The following TANC2 variants were observed in gnomAD, a reference collection of about 807,000 sequenced individuals.
TANC2 encodes the protein tetratricopeptide repeat, ankyrin repeat and coiled-coil containing 2, also known as protein TANC2.
In TANC2, 26 loss-of-function variants were observed where a neutral mutation model predicts 210.5. The ratio of observed to expected loss-of-function variants is 0.12; its 90% CI spans 0.09 to 0.17. TANC2 has a LOEUF of 0.17. TANC2 is among the 10% of genes least tolerant of loss of function. The probability of loss-of-function intolerance (pLI) is 1.00; values close to 1 mark genes in which losing one functional copy is unlikely to be tolerated. For synonymous variants in TANC2, 931 were observed against 967.1 expected (o/e 0.96, Z 0.69); for missense variants, 2,129 against 2,608.9 (o/e 0.82, Z 4.01).
Position 63,142,860 on chromosome 17 carries a change from G to A in TANC2, c.323-8410G>A, listed in dbSNP as rs188606211. 7.2e-5 allele frequency among the ~76,000 whole-genome samples: 11 copies of A among 152,262 alleles called. No individual in the cohort carries two copies. In the East Asian group the frequency reaches 2.1e-3, roughly 29 times the overall value. On this transcript the variant is annotated intron_variant, in intron 4 of 27. Coordinates refer to ENST00000689528, the Ensembl canonical transcript of TANC2. ...ATTAACATATATTAAACTCCGATGA[G>A]TTGGGGGGCATCTGCAATACATTTT...
intron 22 of TANC2, 131 bp from the exon 23 acceptor site, chr17:63,411,867 C>G (rs1011424229): frequency 1.4e-6 from 2 of 1,448,232 alleles, no homozygotes; most frequent in Non-Finnish European, 1.9e-6. Context: ...TAGCTAAGGC[C>G]TGAAATACAT....
intron 18 of TANC2, 117 bp downstream of exon 18, chr17:63,396,045 C>A (rs1424529902): frequency 5.4e-6 from 5 of 925,848 alleles, no homozygotes; most frequent in Non-Finnish European, 6.4e-6. Flanking sequence ...AATTCGTGAT[C>A]GCTGCTCTGA....
chr17:63,022,405 C>T (rs1435634558), intron 2 of TANC2, among the ~76,000 whole-genome samples: 1 of 151,468 alleles, frequency 6.6e-6, no homozygotes, highest in Non-Finnish European at 1.5e-5. Flanking sequence ...GCAAAGTGCT[C>T]AAGATGCTGT....
At chr17:63,161,970 AC>A (rs367636279) in intron 5 of TANC2, among the ~76,000 whole-genome samples, 197 of 152,278 alleles carry the variant, frequency 1.3e-3, no homozygotes, top group South Asian at 1.2e-3. Context: ...CAGGTTACTG[AC>A]AATCTTGACA....
intron 7 of TANC2, among the ~76,000 whole-genome samples, chr17:63,234,971 A>AATTTATTATCATACTTT (rs2042580975): frequency 6.6e-6 from 1 of 152,166 alleles, no homozygotes; most frequent in Non-Finnish European, 1.5e-5. Flanking sequence ...GATAAGTATG[A>AATTTATTATCATACTTT]ATTTATTATG....
At chr17:63,267,833 A>G (rs755523835) in exon 9 of TANC2, 2 of 1,613,148 alleles carry the variant, frequency 1.2e-6, no homozygotes, top group South Asian at 2.2e-5. Context: ...GAATGCCAAG[A>G]CAGAGCATGG....
chr17:63,080,576 C>T (rs2036735570), intron 3 of TANC2, among the ~76,000 whole-genome samples: 1 of 152,086 alleles, frequency 6.6e-6, no homozygotes, highest in African/African-American at 2.4e-5. Flanking sequence ...GCTGGTGTGT[C>T]AATAGAACTA....
chr17:63,155,128 T>G (rs1194048913), intron 5 of TANC2: 1 of 152,064 alleles, frequency 6.6e-6, no homozygotes, highest in African/African-American at 2.4e-5. Context: ...TAAGAGCTTA[T>G]GTTCTGGAGT....
chr17:63,227,094 T>G lies in TANC2; in HGVS notation c.770-10720T>G, dbSNP rs150073630. On this transcript the variant is annotated intron_variant, in intron 7 of 27. Coordinates refer to ENST00000689528, the Ensembl canonical transcript of TANC2. ...GTATGTATCTTTATAATATAATAAT[T>G]TATATTCCTTTGGGTATATACCCAG... 8.4e-3 allele frequency among the ~76,000 whole-genome samples: 1,283 copies of G among 152,294 alleles called. 15 individuals carry two copies. Among genetic ancestry groups the G allele is most frequent in the African/African-American group, 0.028 (1,174 of 41,548 alleles).
rs565757321 is a variant in TANC2, at chr17:63,412,481, A to G, written c.3899-199A>G. 5.3e-5 allele frequency among the ~76,000 whole-genome samples: 8 copies of G among 152,172 alleles called. No individual in the cohort carries two copies. The highest frequency in any genetic ancestry group is 1.4e-4 in the African/African-American group (6 of 41,530). On this transcript the variant is annotated intron_variant, in intron 23 of 27. Coordinates refer to ENST00000689528, the Ensembl canonical transcript of TANC2. This position sits in a 1 kb window ranked among gnomAD's most constrained non-coding sequence, Gnocchi z 4.2. ...GAGCCTTTGCTTTCCCTTGCTCTGAATGTGCTTCAGACTCAAGTCCCTGCT... is the reference window on the plus strand; with the variant it reads ...GAGCCTTTGCTTTCCCTTGCTCTGAGTGTGCTTCAGACTCAAGTCCCTGCT...
chr17:63,420,334 A>G lies in TANC2; in HGVS notation c.4604A>G (p.Asp1535Gly). 1 of 1,613,740 alleles carries G rather than the reference A, an allele frequency of 6.2e-7. No individual in the cohort carries two copies. The highest frequency in any genetic ancestry group is 8.5e-7 in the Non-Finnish European group (1 of 1,179,816). ...CCACCCTCCTCTCCCCCGCATCGGG[A>G]CTCAGCCTACATCTCCAGCTCACCT... is the stretch of plus-strand genomic sequence containing the variant. The change falls in exon 28 of 28, where the codon GAC becomes GGC. Residue 1535 changes from aspartate to glycine, a missense_variant. This residue lies in a region of TANC2 where 584 missense variants were observed against 627.3 expected (regional missense o/e 0.93). Transcript: ENST00000689528. This position sits in a 1 kb window ranked among gnomAD's most constrained non-coding sequence, Gnocchi z 4.2.
chr17:63,065,309 T>C (rs1031961149), intron 2 of TANC2, among the ~76,000 whole-genome samples: 1 of 152,258 alleles, frequency 6.6e-6, no homozygotes, highest in Admixed American at 6.5e-5. Context: ...CATTGGTTGA[T>C]GAACACTTAG....
intron 6 of TANC2, among the ~76,000 whole-genome samples, chr17:63,199,392 G>A (rs1055480456): frequency 6.6e-6 from 1 of 152,136 alleles, no homozygotes; most frequent in Non-Finnish European, 1.5e-5. Flanking sequence ...GGAGGCTGAG[G>A]TGGGAAGTAC....
At chr17:63,069,013 A>G (rs1386879195) in intron 2 of TANC2, among the ~76,000 whole-genome samples, 4 of 152,158 alleles carry the variant, frequency 2.6e-5, no homozygotes, top group Non-Finnish European at 1.5e-5. Context: ...AGAACTGTAT[A>G]ATGAAAATAT....
chr17:63,201,590 A>G (rs1220865880), intron 7 of TANC2, among the ~76,000 whole-genome samples: 5 of 150,584 alleles, frequency 3.3e-5, no homozygotes, highest in Non-Finnish European at 3.0e-5. Flanking sequence ...GAAATTTTCC[A>G]TTTAATTTTC....
In TANC2 at chr17:63,348,742, AT is replaced by A. The variant is rs559544311; in HGVS notation, c.1808-2500del. Among the ~76,000 whole-genome samples the A allele has an allele frequency of 1.4e-3, 208 of 152,098 alleles. 1 individual carries two copies. The highest frequency in any genetic ancestry group is 4.8e-3 in the African/African-American group (200 of 41,500). ...GTCCCCAATTTATTTTTATTTGTAA[AT>A]TTTTTTTAAGCTACTGATTTAAAGT... On this transcript the variant is annotated intron_variant, in intron 12 of 27. Coordinates refer to ENST00000689528, the Ensembl canonical transcript of TANC2.
intron 8 of TANC2, among the ~76,000 whole-genome samples, chr17:63,264,405 G>A (rs2043459650): frequency 6.6e-6 from 1 of 152,080 alleles, no homozygotes; most frequent in African/African-American, 2.4e-5. Flanking sequence ...CATGTTTTGG[G>A]GAGCAGCAAA....
At chr17:63,288,585 C>T (rs900132966) in intron 9 of TANC2, among the ~76,000 whole-genome samples, 6 of 152,022 alleles carry the variant, frequency 3.9e-5, no homozygotes, top group African/African-American at 1.2e-4. Flanking sequence ...GATTTTTCTG[C>T]CTGTTGGATC....
At chr17:63,253,683 G>A (rs1267151536) in intron 8 of TANC2, among the ~76,000 whole-genome samples, 1 of 152,028 alleles carries the variant, frequency 6.6e-6, no homozygotes, top group Admixed American at 6.6e-5. Context: ...CACAATTATG[G>A]CTCACTGCAG....
Sources: gnomAD v4.1 joint callset for allele counts (sites outside exome capture counted in the v4.1 genomes callset) on GRCh38, gnomAD v4.1.1 for gene constraint, gnomAD v4.1.1 regional missense constraint, Gnocchi (gnomAD v3.1) non-coding constraint, MANE v1.5 for transcripts, NCBI Gene and HGNC (gene_info 2026-07-23, HGNC 2026-07-21) for gene names.